Variants in ABCC11 observed in about 807,000 individuals in gnomAD.
The protein encoded by ABCC11 is ATP-binding cassette sub-family C member 11.
ABCC11 carries 135 observed loss-of-function variants against 149.3 expected under a neutral mutation model. That is an observed-to-expected ratio of 0.90 (90% CI 0.79 to 1.04). The LOEUF is 1.04. Among genes scored for constraint, ABCC11 ranks in the 50% least tolerant of loss-of-function variants. ABCC11 has a pLI of 0.00. For synonymous variants in ABCC11, 665 were observed against 671.4 expected (o/e 0.99, Z 0.15); for missense variants, 1,680 against 1,722.1 (o/e 0.98, Z 0.43).
Position 48,196,214 on chromosome 16 carries a change from C to A in ABCC11, c.2404+18G>T. 4 of 1,613,526 alleles carry A rather than the reference C, an allele frequency of 2.5e-6. No homozygotes were observed. The highest frequency in any genetic ancestry group is 2.5e-6 in the Non-Finnish European group (3 of 1,179,538). Reference sequence around the variant, plus strand: ...GGCTGCTCCAAGAGAGAGCCCTGGGCTGGCATGGGGACCGTACCTCCAGCT... The same window carrying A: ...GGCTGCTCCAAGAGAGAGCCCTGGGATGGCATGGGGACCGTACCTCCAGCT... On this transcript the variant is annotated intron_variant, in intron 18 of 29. Coordinates refer to ENST00000356608, the MANE Select transcript of ABCC11 (RefSeq NM_001370497.1).
intron 1 of ABCC11, chr16:48,244,545 C>T (rs933489594): frequency 6.4e-7 from 1 of 1,558,216 alleles, no homozygotes; most frequent in Middle Eastern, 1.7e-4. Context: ...CACGTCGCTG[C>T]AAAGCACCAT....
intron 18 of ABCC11, among the ~76,000 whole-genome samples, chr16:48,195,399 C>T (rs1735692652): frequency 6.6e-6 from 1 of 152,152 alleles, no homozygotes; most frequent in Admixed American, 6.5e-5. Flanking sequence ...GCAGGATACC[C>T]ATGGTGGACG....
intron 24 of ABCC11, 28 bp downstream of exon 24, chr16:48,178,569 C>T (rs1307718030): frequency 3.1e-6 from 5 of 1,610,834 alleles, no homozygotes; most frequent in South Asian, 1.1e-5. Context: ...GCATGGCTCC[C>T]CACACCAGAC....
rs374188649 is a variant in ABCC11, at chr16:48,187,196, C to T, written c.2933+5G>A. 1 of 1,613,914 alleles carries T rather than the reference C, an allele frequency of 6.2e-7. No individual in the cohort carries two copies. The highest frequency in any genetic ancestry group is 8.5e-7 in the Non-Finnish European group (1 of 1,179,988). On this transcript the variant is annotated splice_donor_5th_base_variant and intron_variant, in intron 21 of 29. Coordinates refer to ENST00000356608, the MANE Select transcript of ABCC11 (RefSeq NM_001370497.1). ...CCAAGTCACAAGCAAAAAGAACCTA[C>T]TCACATATAATAAATGAAGCAAATA...
intron 12 of ABCC11, among the ~76,000 whole-genome samples, chr16:48,207,673 A>AGGAAG (rs931135629): frequency 2.0e-5 from 3 of 152,098 alleles, no homozygotes; most frequent in South Asian, 2.1e-4. Flanking sequence ...AAAGAAAGGA[A>AGGAAG]GGAAGGGAAG....
In ABCC11 at chr16:48,167,436, G is replaced by A. The variant is rs1243522868; in HGVS notation, c.4056+60C>T. ...GCTTGTGTCCTTGGAGGACTCAAAG[G>A]CATCTGGGGTAGCAGCCTGAGCCCT... On this transcript the variant is annotated intron_variant, in intron 29 of 29. Transcript: ENST00000356608. The A allele has an allele frequency of 6.8e-6, 11 of 1,607,268 alleles. No individual in the cohort carries two copies. The East Asian group carries it at 2.5e-4, about 36-fold the overall frequency.
At chr16:48,170,996 A>G (rs781397243) in intron 26 of ABCC11, 29 bp from the exon 27 acceptor site, 11 of 1,555,300 alleles carry the variant, frequency 7.1e-6, no homozygotes, top group Non-Finnish European at 9.8e-6. Context: ...AGAAGTGTTC[A>G]ACAACATCAC....
Position 48,211,029 on chromosome 16 carries a change from C to T in ABCC11, c.1527G>A (p.Arg509=), listed in dbSNP as rs774514339. The change falls in exon 11 of 30, where the codon AGG becomes AGA. Residue 509 remains arginine, a synonymous_variant. Transcript: ENST00000356608. ...CCTCTGGCCCGAGGGCATCTCTAGG[C>T]CTGGTCATCCCCTCAGAAGCATGCC... ...RNGHASEGMT[R]PRDALGPEEE... 1.1e-5 allele frequency: 17 copies of T among 1,614,088 alleles called. No individual in the cohort carries two copies. The South Asian group carries it at 1.3e-4, about 13-fold the overall frequency.
At chr16:48,199,646 T>A (rs1008418379) in intron 15 of ABCC11, among the ~76,000 whole-genome samples, 2 of 151,246 alleles carry the variant, frequency 1.3e-5, no homozygotes, top group African/African-American at 4.9e-5. Flanking sequence ...GATTGGTTTC[T>A]TTTTCTTTTC....
intron 28 of ABCC11, 140 bp from the exon 29 acceptor site, chr16:48,167,800 C>T (rs1318451314): frequency 1.6e-5 from 16 of 991,894 alleles, no homozygotes; most frequent in South Asian, 7.7e-5. Flanking sequence ...AGAATTATGC[C>T]GAGTGCAAAG....
In ABCC11 at chr16:48,214,963, G is replaced by A; in HGVS notation, c.1166C>T (p.Thr389Ile). 6.2e-7 allele frequency: 1 copy of A among 1,614,094 alleles called. No individual in the cohort carries two copies. The highest frequency in any genetic ancestry group is 8.5e-7 in the Non-Finnish European group (1 of 1,179,996). ...GGCCACTGTGGGGATGATGAACAAG[G>A]TTATACTTGTCAGGCTCTGGACAAG... ...CGLVQSLTSI[T>I]LFIIPTVATA... Residue 389 changes from threonine to isoleucine, a missense_variant, in exon 9 of 30, where the codon ACC becomes ATC. Transcript: ENST00000356608.
intron 17 of ABCC11, among the ~76,000 whole-genome samples, chr16:48,196,599 G>A (rs1314687044): frequency 6.6e-6 from 1 of 152,232 alleles, no homozygotes; most frequent in African/African-American, 2.4e-5. Flanking sequence ...AAAGAATGAA[G>A]AAAACCACCT....
intron 28 of ABCC11, among the ~76,000 whole-genome samples, chr16:48,168,018 A>G (rs933493349): frequency 6.6e-6 from 1 of 152,230 alleles, no homozygotes; most frequent in African/African-American, 2.4e-5. Flanking sequence ...ACACCCCAGG[A>G]GGCACATGAG....
chr16:48,186,409 C>T (rs975845505), intron 22 of ABCC11, among the ~76,000 whole-genome samples: 1 of 152,222 alleles, frequency 6.6e-6, no homozygotes, highest in African/African-American at 2.4e-5. Flanking sequence ...TTCCACCAGA[C>T]TATGAACTTC....
chr16:48,227,979 A>G lies in ABCC11; in HGVS notation c.237-15T>C. ...GGGCAGGAAACCTAGTAGAGGGGCCACAAGGATAAGAATGAATTCAGGATC... is the reference window on the plus strand; with the variant it reads ...GGGCAGGAAACCTAGTAGAGGGGCCGCAAGGATAAGAATGAATTCAGGATC... On this transcript the variant is annotated splice_polypyrimidine_tract_variant and intron_variant, in intron 3 of 29. Transcript: ENST00000356608. The G allele has an allele frequency of 6.2e-7, 1 of 1,601,682 alleles. No individual in the cohort carries two copies. The highest frequency in any genetic ancestry group is 2.2e-5 in the East Asian group (1 of 44,648).
intron 6 of ABCC11, among the ~76,000 whole-genome samples, chr16:48,219,965 T>C (rs1969624519): frequency 6.6e-6 from 1 of 152,164 alleles, no homozygotes; most frequent in Non-Finnish European, 1.5e-5. Flanking sequence ...TGGGCAACAA[T>C]AGGGAAACTC....
chr16:48,230,780 C>T (rs1970375092), intron 2 of ABCC11, among the ~76,000 whole-genome samples: 1 of 151,862 alleles, frequency 6.6e-6, no homozygotes, highest in Non-Finnish European at 1.5e-5. Context: ...CTGAGTGAGT[C>T]TGGCCCAGTC....
chr16:48,205,477 C>T lies in ABCC11; in HGVS notation c.1741G>A (p.Ala581Thr). 6.2e-7 allele frequency: 1 copy of T among 1,614,212 alleles called. No homozygotes were observed. The highest frequency in any genetic ancestry group is 1.7e-5 in the Admixed American group (1 of 60,030). The change falls in exon 13 of 30, where the codon GCC (alanine) becomes ACC (threonine). Residue 581 changes from alanine to threonine, a missense_variant. Transcript: ENST00000356608. ...QGSLAYVPQQ[A>T]WIVSGNIREN... ...CTGATGTTCCCGCTGACGATCCAGG[C>T]CTGCTGGGGGACATAGGCCAGGCTT...
chr16:48,237,911 T>C (rs189977094), intron 1 of ABCC11, among the ~76,000 whole-genome samples: 2 of 152,350 alleles, frequency 1.3e-5, no homozygotes, highest in East Asian at 3.9e-4. Context: ...AAATGTCGTC[T>C]TTTCAGAGAC....
Sources: gnomAD v4.1 joint callset for allele counts (sites outside exome capture counted in the v4.1 genomes callset) on GRCh38, gnomAD v4.1.1 for gene constraint, MANE v1.5 for transcripts, NCBI Gene and HGNC (gene_info 2026-07-23, HGNC 2026-07-21) for gene names.